WWC1: variants seen among roughly 807,000 people sequenced by gnomAD.
WWC1 encodes the protein protein KIBRA.
In WWC1, 55 loss-of-function variants were observed where a neutral mutation model predicts 138.4. That is an observed-to-expected ratio of 0.40 (90% CI 0.32 to 0.50). WWC1 has a LOEUF of 0.50. WWC1 is among the 20% of genes least tolerant of loss of function. The pLI is 0.72. For synonymous variants in WWC1, 524 were observed against 564.9 expected (o/e 0.93, Z 1.03); for missense variants, 1,226 against 1,420.4 (o/e 0.86, Z 2.20).
intron 1 of WWC1, among the ~76,000 whole-genome samples, chr5:168,297,077 C>G (rs573732741): frequency 6.6e-6 from 1 of 152,128 alleles, no homozygotes; most frequent in East Asian, 1.9e-4. Flanking sequence ...CTGAACCTTG[C>G]GTTTGCCTTC....
chr5:168,307,344 T>C (rs1213318879), intron 1 of WWC1, among the ~76,000 whole-genome samples: 3 of 152,160 alleles, frequency 2.0e-5, no homozygotes, highest in Non-Finnish European at 4.4e-5. Context: ...CCCGAACTAG[T>C]CCTGGTGATT....
At chr5:168,398,437 G>C (rs1779072913) in intron 4 of WWC1, among the ~76,000 whole-genome samples, 1 of 152,188 alleles carries the variant, frequency 6.6e-6, no homozygotes, top group Non-Finnish European at 1.5e-5. Flanking sequence ...CAGAGGCTTA[G>C]GGGAGCTAAG....
intron 3 of WWC1, among the ~76,000 whole-genome samples, chr5:168,394,000 T>C (rs1452796682): frequency 6.6e-6 from 1 of 152,186 alleles, no homozygotes; most frequent in Admixed American, 6.5e-5. Flanking sequence ...TGAATAGTGT[T>C]TGCAGAGTAA....
intron 1 of WWC1, among the ~76,000 whole-genome samples, chr5:168,354,772 G>T (rs1240344142): frequency 6.6e-6 from 1 of 152,122 alleles, no homozygotes; most frequent in African/African-American, 2.4e-5. Context: ...TTTCCAGTTT[G>T]CTGTGGGGTG....
chr5:168,417,010 A>C (rs1287709472), intron 9 of WWC1, among the ~76,000 whole-genome samples: 1 of 151,948 alleles, frequency 6.6e-6, no homozygotes, highest in Non-Finnish European at 1.5e-5. Context: ...TGGGATTACA[A>C]GTGTGCACCA....
At chr5:168,431,499 T>TGACC in intron 15 of WWC1, 55 bp downstream of exon 15, 2 of 984,868 alleles carry the variant, frequency 2.0e-6, no homozygotes, top group Non-Finnish European at 2.9e-6. Flanking sequence ...GCTGGCTGGC[T>TGACC]GGCTGACCGG....
At chr5:168,408,680 G>A in intron 7 of WWC1, 27 bp downstream of exon 7, 1 of 1,612,484 alleles carries the variant, frequency 6.2e-7, no homozygotes, top group Non-Finnish European at 8.5e-7. Flanking sequence ...GGTTGCTGGG[G>A]GCCTTCCACA....
chr5:168,448,616 A>ATTTTT (rs756135846), intron 17 of WWC1, among the ~76,000 whole-genome samples: 2,136 of 117,520 alleles, frequency 0.018, 109 homozygotes, highest in African/African-American at 0.064. Context: ...CTCAAATAAG[A>ATTTTT]TTTTTTTTTT....
At chr5:168,355,976 G>C (rs187463618) in intron 1 of WWC1, among the ~76,000 whole-genome samples, 21 of 152,220 alleles carry the variant, frequency 1.4e-4, no homozygotes, top group Non-Finnish European at 2.4e-4. Context: ...ATTCTCTTGG[G>C]GGGGCTGTGA....
intron 5 of WWC1, among the ~76,000 whole-genome samples, chr5:168,399,874 C>T (rs938270026): frequency 2.0e-5 from 3 of 152,182 alleles, no homozygotes; most frequent in African/African-American, 4.8e-5. Context: ...ACAAGTATTG[C>T]CCAGCATTTC....
At chr5:168,372,503 A>G (rs1209726209) in intron 2 of WWC1, among the ~76,000 whole-genome samples, 3 of 152,220 alleles carry the variant, frequency 2.0e-5, no homozygotes, top group East Asian at 1.9e-4. Context: ...TCAAATCCTA[A>G]TAGCCTCTGT....
intron 1 of WWC1, among the ~76,000 whole-genome samples, chr5:168,353,602 G>T (rs1775162016): frequency 6.6e-6 from 1 of 152,158 alleles, no homozygotes; most frequent in African/African-American, 2.4e-5. Flanking sequence ...GACGCCCAGG[G>T]AGCCTTTGCA....
chr5:168,352,023 T>C (rs1169357550), intron 1 of WWC1, among the ~76,000 whole-genome samples: 1 of 152,178 alleles, frequency 6.6e-6, no homozygotes, highest in Non-Finnish European at 1.5e-5. Flanking sequence ...CTTTGCTAGC[T>C]GTAGGACCTG....
intron 8 of WWC1, among the ~76,000 whole-genome samples, chr5:168,413,677 C>T (rs1188718205): frequency 2.0e-5 from 3 of 152,174 alleles, no homozygotes; most frequent in African/African-American, 7.2e-5. Flanking sequence ...GGCCTCTGAC[C>T]CCAAATCCAC....
chr5:168,321,733 C>T (rs2152758986), intron 1 of WWC1, among the ~76,000 whole-genome samples: 1 of 152,178 alleles, frequency 6.6e-6, no homozygotes, highest in Non-Finnish European at 1.5e-5. Flanking sequence ...GACAGGGTTT[C>T]TCCATGTTGG....
chr5:168,439,677 G>C (rs1754577490), intron 15 of WWC1, among the ~76,000 whole-genome samples: 1 of 151,914 alleles, frequency 6.6e-6, no homozygotes, highest in Admixed American at 6.6e-5. Flanking sequence ...GGGTCAGAAT[G>C]AAGACTCTTG....
In WWC1 at chr5:168,470,232, C is replaced by T. The variant is rs1284026619; in HGVS notation, c.*1215C>T. ...TTCCTCCTTCCTCTCTGACATTACC[C>T]TGTGCAACTTTTCTCAAAGTCTGTT... On this transcript the variant is annotated 3_prime_UTR_variant, in exon 23 of 23. Transcript: ENST00000265293. 2 of 152,254 alleles carry T rather than the reference C, an allele frequency of 1.3e-5. No individual in the cohort carries two copies. The highest frequency in any genetic ancestry group is 2.4e-5 in the African/African-American group (1 of 41,464). 9.4% of individuals were successfully genotyped at this position (152,254 alleles called of 1,614,324 possible). A position where few individuals can be genotyped will look rare whatever the true frequency, so the allele number is the denominator to read the frequency against.
intron 1 of WWC1, among the ~76,000 whole-genome samples, chr5:168,293,861 G>C (rs1018171593): frequency 1.3e-5 from 2 of 152,188 alleles, no homozygotes; most frequent in African/African-American, 4.8e-5. Context: ...TTCTTCACCA[G>C]CTCTGAAGTT....
chr5:168,324,560 A>G (rs938163050), intron 1 of WWC1, among the ~76,000 whole-genome samples: 3 of 152,232 alleles, frequency 2.0e-5, no homozygotes, highest in Admixed American at 2.0e-4. Context: ...TCTTTAAAAG[A>G]TAGTTGACTC....
Sources: allele counts gnomAD v4.1 joint callset (sites outside exome capture counted in the v4.1 genomes callset), GRCh38; gene constraint gnomAD v4.1.1; transcripts MANE v1.5; gene names NCBI Gene and HGNC (gene_info 2026-07-23, HGNC 2026-07-21).